Variants in RHOBTB1 observed in about 807,000 individuals in gnomAD.
RHOBTB1 encodes Rho related BTB domain containing 1, also known as rho-related BTB domain-containing protein 1.
A neutral mutation model predicts 71.6 loss-of-function variants in RHOBTB1; 40 were observed. The ratio of observed to expected loss-of-function variants is 0.56; its 90% CI spans 0.43 to 0.73. RHOBTB1 has a LOEUF of 0.73. RHOBTB1 is among the 30% of genes least tolerant of loss of function. The pLI is 0.00. For missense variants in RHOBTB1, 797 were observed against 894.0 expected, an observed-to-expected ratio of 0.89 and a Z score of 1.38; for synonymous variants, 319 against 334.9, an observed-to-expected ratio of 0.95 and a Z score of 0.52.
chr10:60,910,873 TA>T lies in RHOBTB1; in HGVS notation c.296+13del. The T allele has an allele frequency of 6.3e-7, 1 of 1,585,848 alleles. No individual in the cohort carries two copies. The highest frequency in any genetic ancestry group is 1.3e-5 in the African/African-American group (1 of 74,444). ...GCATTCAAGCTCAACCACGCTGTAC[TA>T]GTCTTGGTTTACCTGCCATATGCAA... On this transcript the variant is annotated intron_variant, in intron 4 of 10. Coordinates refer to ENST00000337910, the MANE Select transcript of RHOBTB1 (RefSeq NM_014836.5).
At position 60,911,353 on chromosome 10, in the gene RHOBTB1, C is replaced by T; in HGVS notation, c.190G>A (p.Glu64Lys). Residue 64 changes from glutamate (E) to lysine (K), a missense_variant and splice_region_variant, in exon 3 of 11, where the codon GAG becomes AAG. This residue lies in a region of RHOBTB1 where 139 missense variants were observed against 212.5 expected (regional missense o/e 0.65). Transcript: ENST00000337910. Reference sequence around the variant, plus strand: ...TGAAGACACTCTGTGCATCTTACCTCCTGGCACACGCGGTACTGGTCAATC... The same window carrying T: ...TGAAGACACTCTGTGCATCTTACCTTCTGGCACACGCGGTACTGGTCAATC... The part of the protein sequence containing the change: ...WAIDQYRVCQ[E>K]VLERSRDVVD... 1 of 1,607,666 alleles carries T rather than the reference C, an allele frequency of 6.2e-7. No homozygotes were observed. The highest frequency in any genetic ancestry group is 8.5e-7 in the Non-Finnish European group (1 of 1,174,672).
intron 2 of RHOBTB1, among the ~76,000 whole-genome samples, chr10:60,957,726 A>T (rs1474330347): frequency 6.6e-6 from 1 of 152,206 alleles, no homozygotes; most frequent in Non-Finnish European, 1.5e-5. Context: ...TGAATAACTG[A>T]AAGAGATTCA....
chr10:60,917,860 C>T (rs1217523636), intron 2 of RHOBTB1, among the ~76,000 whole-genome samples: 1 of 152,212 alleles, frequency 6.6e-6, no homozygotes, highest in East Asian at 1.9e-4. Flanking sequence ...CTTACTCAGA[C>T]ATCACCTCCC....
intron 2 of RHOBTB1, among the ~76,000 whole-genome samples, chr10:60,921,233 C>A (rs2083544633): frequency 1.3e-5 from 2 of 152,178 alleles, no homozygotes; most frequent in African/African-American, 4.8e-5. Context: ...CCAGCATGAG[C>A]CACCATGCCT....
intron 2 of RHOBTB1, among the ~76,000 whole-genome samples, chr10:60,924,540 G>A (rs190683827): frequency 7.8e-4 from 118 of 152,230 alleles, no homozygotes; most frequent in African/African-American, 2.6e-3. Context: ...CCCTGATATA[G>A]TAAGAGCCAG....
intron 2 of RHOBTB1, among the ~76,000 whole-genome samples, chr10:60,980,950 G>A (rs757798879): frequency 9.2e-5 from 14 of 152,134 alleles, no homozygotes; most frequent in Non-Finnish European, 1.9e-4. Flanking sequence ...TTATAATTAG[G>A]TGGCTAATTA....
At chr10:60,861,922 A>C in the RHOBTB1 span, among the ~76,000 whole-genome samples, 1 of 152,192 alleles carries the variant, frequency 6.6e-6, no homozygotes, top group African/African-American at 2.4e-5. Context: ...GATCCAAGGA[A>C]AGATGTTGCC....
At chr10:60,925,746 A>G (rs941405834) in intron 2 of RHOBTB1, among the ~76,000 whole-genome samples, 2 of 152,228 alleles carry the variant, frequency 1.3e-5, no homozygotes, top group Non-Finnish European at 2.9e-5. Context: ...GATACTGCTG[A>G]AATTCAAAGA....
rs35575286 is a variant in RHOBTB1, at chr10:60,905,149, T to TA, written c.296+5737dup. ...AAACTTCAGTGATCCAGATAATACT[T>TA]AAAAAAAAAAAAAAATTCAGGCTGG... On this transcript the variant is annotated intron_variant, in intron 4 of 10. Transcript: ENST00000337910. 1.5e-3 allele frequency among the ~76,000 whole-genome samples: 215 copies of TA among 139,910 alleles called. 1 individual carries two copies. The highest frequency in any genetic ancestry group is 7.6e-3 in the Middle Eastern group (2 of 264). 91.8% of individuals were successfully genotyped at this position (139,910 alleles called of 152,430 possible). A position where few individuals can be genotyped will look rare whatever the true frequency, so the allele number is the denominator to read the frequency against.
chr10:60,971,349 A>G (rs190980680), intron 2 of RHOBTB1, among the ~76,000 whole-genome samples: 305 of 152,046 alleles, frequency 2.0e-3, no homozygotes, highest in South Asian at 3.9e-3. Context: ...AAACAGATAT[A>G]TAGACCAATG....
chr10:60,964,139 C>T (rs2085877584), intron 2 of RHOBTB1, among the ~76,000 whole-genome samples: 1 of 152,046 alleles, frequency 6.6e-6, no homozygotes, highest in Non-Finnish European at 1.5e-5. Context: ...TCTTTTCCAT[C>T]TTTGTAAAAA....
chr10:60,915,605 T>C (rs368628293), intron 2 of RHOBTB1, among the ~76,000 whole-genome samples: 276 of 152,272 alleles, frequency 1.8e-3, no homozygotes, highest in African/African-American at 6.1e-3. Flanking sequence ...ACAAGCTTAT[T>C]TGAAAAATTG....
intron 2 of RHOBTB1, among the ~76,000 whole-genome samples, chr10:60,969,513 A>G (rs2086081165): frequency 6.6e-6 from 1 of 152,124 alleles, no homozygotes; most frequent in South Asian, 2.1e-4. Flanking sequence ...TTGTCAGGGC[A>G]TCAAAGAGGA....
intron 7 of RHOBTB1, among the ~76,000 whole-genome samples, chr10:60,883,450 G>A (rs532930844): frequency 1.2e-4 from 19 of 152,280 alleles, no homozygotes; most frequent in African/African-American, 4.3e-4. Context: ...CATTCGTGAG[G>A]TCAGCTCTGA....
chr10:60,979,644 T>C (rs1290486349), intron 2 of RHOBTB1, among the ~76,000 whole-genome samples: 1 of 152,184 alleles, frequency 6.6e-6, no homozygotes, highest in Non-Finnish European at 1.5e-5. Flanking sequence ...ACAACAATCA[T>C]TGCCTGCCTG....
chr10:60,884,335 G>A (rs1229385835), intron 7 of RHOBTB1, among the ~76,000 whole-genome samples: 1 of 152,222 alleles, frequency 6.6e-6, no homozygotes, highest in Non-Finnish European at 1.5e-5. Context: ...TTGGAAAGAT[G>A]CTGAGACAAG....
intron 2 of RHOBTB1, among the ~76,000 whole-genome samples, chr10:60,913,349 A>G (rs1234891540): frequency 6.6e-6 from 1 of 152,204 alleles, no homozygotes; most frequent in Admixed American, 6.5e-5. Flanking sequence ...GAGAGGCTCA[A>G]AACAGTCAGA....
chr10:60,917,694 A>G (rs968857988), intron 2 of RHOBTB1, among the ~76,000 whole-genome samples: 8 of 152,050 alleles, frequency 5.3e-5, no homozygotes, highest in Non-Finnish European at 1.2e-4. Context: ...TCTTAATACA[A>G]TCACATTGGG....
At chr10:60,977,444 C>A (rs2086353126) in intron 2 of RHOBTB1, among the ~76,000 whole-genome samples, 1 of 151,674 alleles carries the variant, frequency 6.6e-6, no homozygotes. Context: ...ATAAAGAAAA[C>A]AAAAGGAAGA....
Sources: allele counts gnomAD v4.1 joint callset (sites outside exome capture counted in the v4.1 genomes callset), GRCh38; gene constraint gnomAD v4.1.1; regional missense constraint gnomAD v4.1.1; transcripts MANE v1.5; gene names NCBI Gene and HGNC (gene_info 2026-07-23, HGNC 2026-07-21).